The following SERF2 variants were observed in gnomAD, a reference collection of about 807,000 sequenced individuals.
The protein encoded by SERF2 is gastric cancer-related protein VRG107.
Under a neutral mutation model 10.7 loss-of-function variants are expected in SERF2, and 4 were observed. The ratio of observed to expected loss-of-function variants is 0.37; its 90% CI spans 0.18 to 0.86. SERF2 has a LOEUF of 0.86. SERF2 is among the 40% of genes least tolerant of loss of function. SERF2 has a pLI of 0.43. For missense variants in SERF2, 47 were observed against 79.1 expected (o/e 0.59, Z 1.54); for synonymous variants, 26 against 26.0 (o/e 1.00, Z 0.01).
rs1321674756 is a variant in SERF2, at chr15:43,793,694, T to C, written c.117-16T>C. 1 of 1,614,126 alleles carries C rather than the reference T, an allele frequency of 6.2e-7. No individual in the cohort carries two copies. Among genetic ancestry groups the C allele is most frequent in the Non-Finnish European group, 8.5e-7 (1 of 1,179,998 alleles). ...CCCTCTGGTACCTCCCAGTGCCCCA[T>C]CATCTCTACCCCCAGGGACTCGGAG... On this transcript the variant is annotated splice_polypyrimidine_tract_variant and intron_variant, in intron 2 of 2. Coordinates refer to ENST00000249786, the MANE Select transcript of SERF2 (RefSeq NM_001018108.4).
At chr15:43,792,813 C>T in intron 1 of SERF2, 162 bp from the exon 2 acceptor site, 1 of 676,260 alleles carries the variant, frequency 1.5e-6, no homozygotes, top group Non-Finnish European at 2.5e-6. Flanking sequence ...GCAGATTCGC[C>T]ACTCCCCCCT....
intron 2 of SERF2, among the ~76,000 whole-genome samples, chr15:43,786,283 C>G (rs1476309827): frequency 1.3e-5 from 2 of 151,530 alleles, no homozygotes; most frequent in African/African-American, 4.8e-5. Flanking sequence ...GGTGTGGTGG[C>G]GGGTGCCTGT....
At chr15:43,782,244 G>T (rs1377864458) in intron 1 of SERF2, among the ~76,000 whole-genome samples, 1 of 152,082 alleles carries the variant, frequency 6.6e-6, no homozygotes, top group African/African-American at 2.4e-5. Context: ...AAATATGCAT[G>T]TACTTTCTCT....
chr15:43,792,341 A>C lies in SERF2; in HGVS notation c.-36A>C. The C allele has an allele frequency of 1.3e-6, 2 of 1,534,428 alleles. No individual in the cohort carries two copies. The highest frequency in any genetic ancestry group is 1.8e-6 in the Non-Finnish European group (2 of 1,107,508). On this transcript the variant is annotated 5_prime_UTR_variant, in exon 1 of 3. Transcript: ENST00000249786. Reference sequence around the variant, plus strand: ...CTGCAACGTCCGACAGAACGAGGGGACGTAACGGAGGCAGGTTGGAGCCGC... The same window carrying C: ...CTGCAACGTCCGACAGAACGAGGGGCCGTAACGGAGGCAGGTTGGAGCCGC...
chr15:43,785,704 CTT>C (rs71415810), intron 2 of SERF2, among the ~76,000 whole-genome samples: 11 of 122,650 alleles, frequency 9.0e-5, no homozygotes, highest in Admixed American at 1.7e-4. Context: ...TTTTCTTTTT[CTT>C]TTTTTTTTTT....
chr15:43,791,121 T>C (rs1168443076), upstream of SERF2, among the ~76,000 whole-genome samples: 1 of 151,558 alleles, frequency 6.6e-6, no homozygotes, highest in Non-Finnish European at 1.5e-5. Flanking sequence ...TCGCCCAGGC[T>C]AGAGTGCAGT....
At position 43,786,650 on chromosome 15, in the gene SERF2, C is replaced by T. The variant is rs189231175; in HGVS notation, c.-402+1116C>T. On this transcript the variant is annotated intron_variant, in intron 2 of 4. Transcript: ENST00000381359. ...CTCAAGGTAGCTTAAACCAACAAAACAATATGGTAGTTCCCACACCAGGAA... is the reference window on the plus strand; with the variant it reads ...CTCAAGGTAGCTTAAACCAACAAAATAATATGGTAGTTCCCACACCAGGAA... Among the ~76,000 whole-genome samples, 27 of 152,254 alleles carry T rather than the reference C, an allele frequency of 1.8e-4. 1 individual carries two copies. Among genetic ancestry groups the T allele is most frequent in the African/African-American group, 6.5e-4 (27 of 41,562 alleles).
At position 43,794,875 on chromosome 15, in the gene SERF2, T is replaced by C. The variant is rs930808404; in HGVS notation, c.*1102T>C. ...TGACCACTTCTTCCAGTTCATAGTA[T>C]TGACTTCAGCCCAAACGGAGATAAC... On this transcript the variant is annotated 3_prime_UTR_variant, in exon 3 of 3. Transcript: ENST00000249786. The C allele has an allele frequency of 2.7e-6, 2 of 740,162 alleles. No individual in the cohort carries two copies. The highest frequency in any genetic ancestry group is 3.5e-5 in the African/African-American group (2 of 57,246). 45.8% of individuals were successfully genotyped at this position (740,162 alleles called of 1,614,324 possible). A position where few individuals can be genotyped will look rare whatever the true frequency, so the allele number is the denominator to read the frequency against.
chr15:43,795,774 A>C lies in SERF2; in HGVS notation c.*2001A>C. ...ACGCAGGTTTTGGAATGGTCTTAAAAGATGTGAGGGTGTTAATCTAGGAAA... is the reference window on the plus strand; with the variant it reads ...ACGCAGGTTTTGGAATGGTCTTAAACGATGTGAGGGTGTTAATCTAGGAAA... On this transcript the variant is annotated 3_prime_UTR_variant, in exon 3 of 3. Coordinates refer to ENST00000249786, the MANE Select transcript of SERF2 (RefSeq NM_001018108.4). 6.2e-7 allele frequency: 1 copy of C among 1,603,582 alleles called. No homozygotes were observed. The highest frequency in any genetic ancestry group is 8.5e-7 in the Non-Finnish European group (1 of 1,173,046).
upstream of SERF2, among the ~76,000 whole-genome samples, chr15:43,788,139 T>G (rs187256389): frequency 6.6e-6 from 1 of 152,296 alleles, no homozygotes; most frequent in African/African-American, 2.4e-5. Context: ...CCTCCCAAAG[T>G]GCTGGGATTA....
chr15:43,782,033 C>T (rs1339026850), intron 1 of SERF2, among the ~76,000 whole-genome samples: 1 of 151,880 alleles, frequency 6.6e-6, no homozygotes, highest in African/African-American at 2.4e-5. Context: ...GGATTACAGG[C>T]ACATGCCACT....
upstream of SERF2, chr15:43,792,173 G>A (rs140475402): frequency 1.6e-4 from 95 of 602,574 alleles, no homozygotes; most frequent in East Asian, 2.7e-3. Flanking sequence ...CTCCGCCTGC[G>A]ACCCTCCGCC....
At chr15:43,785,694 TTTTC>T (rs935323540) in intron 2 of SERF2, among the ~76,000 whole-genome samples, 1 of 147,194 alleles carries the variant, frequency 6.8e-6, no homozygotes, top group Non-Finnish European at 1.5e-5. Flanking sequence ...TGGGACTGAA[TTTTC>T]TTTTTCTTTT....
At chr15:43,792,610 G>T in intron 1 of SERF2, 1 of 1,436,562 alleles carries the variant, frequency 7.0e-7, no homozygotes, top group South Asian at 1.5e-5. Flanking sequence ...ATCTTCCGCG[G>T]TGTAAGGAGA....
chr15:43,788,334 T>C (rs1482465433), upstream of SERF2, among the ~76,000 whole-genome samples: 1 of 151,704 alleles, frequency 6.6e-6, no homozygotes, highest in Non-Finnish European at 1.5e-5. Flanking sequence ...CACTGTGTTA[T>C]CCAGGATGGT....
rs550093590 is a variant in SERF2 at position 43,795,918 on chromosome 15, C to G, written c.*2145C>G. The stretch of plus-strand genomic sequence containing the variant: ...TGGTAAGATGTTTAATCTTTTGTGC[C>G]TCGATTTCTCCATTTGTAAAATGGA... On this transcript the variant is annotated 3_prime_UTR_variant, in exon 3 of 3. Transcript: ENST00000249786. 1 of 661,998 alleles carries G rather than the reference C, an allele frequency of 1.5e-6. No homozygotes were observed. The highest frequency in any genetic ancestry group is 2.0e-5 in the South Asian group (1 of 51,162). 41.0% of individuals were successfully genotyped at this position (661,998 alleles called of 1,614,324 possible).
chr15:43,785,850 T>G lies in SERF2; in HGVS notation c.-402+316T>G, dbSNP rs977062140. On this transcript the variant is annotated intron_variant, in intron 2 of 4. Transcript: ENST00000381359. ...CCTCCCAAGTAGCTGGAATTACAGA[T>G]GCATGCCACCACGCCCCACTAATTT... is the stretch of plus-strand genomic sequence containing the variant. 4.0e-5 allele frequency among the ~76,000 whole-genome samples: 6 copies of G among 151,274 alleles called. No individual in the cohort carries two copies. In the Admixed American group the frequency reaches 4.0e-4, roughly 10 times the overall value.
At chr15:43,793,158 T>G in intron 2 of SERF2, 75 bp downstream of exon 2, 1 of 902,912 alleles carries the variant, frequency 1.1e-6, no homozygotes, top group South Asian at 1.4e-5. Flanking sequence ...GAAAGAGAGC[T>G]ACCTCAGGGC....
At chr15:43,788,758 C>T (rs2087028050), upstream of SERF2, among the ~76,000 whole-genome samples, 2 of 152,134 alleles carry the variant, frequency 1.3e-5, no homozygotes, top group Non-Finnish European at 2.9e-5. Context: ...ATCTCAGTTT[C>T]GTTGAGAAAG....
Sources: allele counts gnomAD v4.1 joint callset (sites outside exome capture counted in the v4.1 genomes callset), GRCh38; gene constraint gnomAD v4.1.1; transcripts MANE v1.5; gene names NCBI Gene and HGNC (gene_info 2026-07-23, HGNC 2026-07-21).